Variants in CFAP77 observed in about 807,000 individuals in gnomAD.
The protein encoded by CFAP77 is cilia and flagella associated protein 77.
CFAP77 carries 25 observed loss-of-function variants against 31.1 expected under a neutral mutation model. That is an observed-to-expected ratio of 0.80 (90% CI 0.59 to 1.12). The LOEUF (loss-of-function observed/expected upper bound fraction) is 1.12. Ranked by LOEUF, CFAP77 falls within the 50% of genes most tolerant of loss-of-function variation. CFAP77 has a pLI of 0.00. For missense variants in CFAP77, 377 were observed against 397.3 expected (o/e 0.95, Z 0.44); for synonymous variants, 151 against 159.9 (o/e 0.94, Z 0.42).
At chr9:132,510,584 A>T (rs1852019148) in intron 3 of CFAP77, among the ~76,000 whole-genome samples, 1 of 152,170 alleles carries the variant, frequency 6.6e-6, no homozygotes. Context: ...CCGCAAGCAA[A>T]AGTAGTCACA....
chr9:132,437,160 A>C (rs146400742), intron 1 of CFAP77, among the ~76,000 whole-genome samples: 32 of 152,322 alleles, frequency 2.1e-4, no homozygotes, highest in African/African-American at 7.0e-4. Context: ...TCCTGTCATC[A>C]TGAGGCCTTC....
At chr9:132,547,981 C>G (rs1270767323) in intron 5 of CFAP77, among the ~76,000 whole-genome samples, 1 of 152,172 alleles carries the variant, frequency 6.6e-6, no homozygotes, top group African/African-American at 2.4e-5. Context: ...GACGGTACAT[C>G]CTTCTGCCCA....
At position 132,552,263 on chromosome 9, in the gene CFAP77, C is replaced by T. The variant is rs1336473195; in HGVS notation, c.732+9216C>T. Among the ~76,000 whole-genome samples the T allele has an allele frequency of 9.9e-5, 15 of 152,170 alleles. No individual in the cohort carries two copies. Among genetic ancestry groups the T allele is most frequent in the Admixed American group, 5.9e-4 (9 of 15,290 alleles). ...CAAGTGCAATCATGCGTGTGAAGCG[C>T]GTGGCACAGGCCTGGCTAGGGGACG... On this transcript the variant is annotated intron_variant, in intron 5 of 5. Coordinates refer to ENST00000393216, the MANE Select transcript of CFAP77 (RefSeq NM_001282957.2). The surrounding 1 kb of genome is among the most constrained non-coding windows in gnomAD (Gnocchi z 5.5).
chr9:132,412,771 GTGTTTT>G (rs1850031248), intron 1 of CFAP77, among the ~76,000 whole-genome samples: 1 of 152,068 alleles, frequency 6.6e-6, no homozygotes, highest in Non-Finnish European at 1.5e-5. Context: ...AACAACTTTG[GTGTTTT>G]TGACTAAAGA....
chr9:132,543,298 T>C (rs946336627), intron 5 of CFAP77, among the ~76,000 whole-genome samples: 2 of 152,224 alleles, frequency 1.3e-5, no homozygotes, highest in African/African-American at 4.8e-5. Context: ...ACAGGAAACA[T>C]GGTGGATGCT....
At chr9:132,465,324 T>C (rs1457671378) in intron 1 of CFAP77, among the ~76,000 whole-genome samples, 1 of 152,178 alleles carries the variant, frequency 6.6e-6, no homozygotes, top group African/African-American at 2.4e-5. Flanking sequence ...GAGTGTTTCC[T>C]GAAGTCTTGT....
At chr9:132,447,939 G>A (rs553393089) in intron 1 of CFAP77, among the ~76,000 whole-genome samples, 3 of 152,144 alleles carry the variant, frequency 2.0e-5, no homozygotes, top group Non-Finnish European at 4.4e-5. Flanking sequence ...TACAGCAGCC[G>A]CTGTATTATG....
chr9:132,526,453 C>T lies in CFAP77; in HGVS notation c.525-11148C>T, dbSNP rs192242334. On this transcript the variant is annotated intron_variant, in intron 3 of 5. Coordinates refer to ENST00000393216, the MANE Select transcript of CFAP77 (RefSeq NM_001282957.2). The stretch of plus-strand genomic sequence containing the variant: ...TTCACCGTGTTAGCCAGGATGGTCT[C>T]GATCTCCTGACTTCGTGATCCGTCC... 9.6e-3 allele frequency among the ~76,000 whole-genome samples: 1,459 copies of T among 151,878 alleles called. 30 individuals are homozygous for T. Among genetic ancestry groups the T allele is most frequent in the African/African-American group, 0.034 (1,405 of 41,396 alleles).
At chr9:132,518,864 C>T (rs1317758531) in intron 3 of CFAP77, among the ~76,000 whole-genome samples, 3 of 152,236 alleles carry the variant, frequency 2.0e-5, no homozygotes, top group African/African-American at 7.2e-5. Context: ...TGGCCCTTGG[C>T]ACTGCAGGGC....
chr9:132,470,983 A>T (rs1055341179), intron 1 of CFAP77, among the ~76,000 whole-genome samples: 6 of 152,120 alleles, frequency 3.9e-5, no homozygotes, highest in East Asian at 1.9e-4. Flanking sequence ...GTTTCAAAAA[A>T]TTTTTTTTAA....
At chr9:132,531,514 G>A (rs1852449986) in intron 3 of CFAP77, among the ~76,000 whole-genome samples, 1 of 151,928 alleles carries the variant, frequency 6.6e-6, no homozygotes, top group Non-Finnish European at 1.5e-5. Flanking sequence ...CCAGGGCTTG[G>A]AAGACGAGGT....
intron 3 of CFAP77, among the ~76,000 whole-genome samples, chr9:132,534,887 A>C (rs74983614): frequency 0.018 from 2,800 of 152,280 alleles, 96 homozygotes; most frequent in African/African-American, 0.064. Context: ...TGTCTTTGGC[A>C]AATTTGGGCT....
chr9:132,420,450 C>T lies in CFAP77; in HGVS notation c.195+9984C>T, dbSNP rs534730379. On this transcript the variant is annotated intron_variant, in intron 1 of 5. Transcript: ENST00000393216. ...GGCGGATCACTTGAGGCCAGGAGTTCGAGACCAGCCTGGCCAACATGGTAA... is the reference window on the plus strand; with the variant it reads ...GGCGGATCACTTGAGGCCAGGAGTTTGAGACCAGCCTGGCCAACATGGTAA... Among the ~76,000 whole-genome samples, 110 of 150,764 alleles carry T rather than the reference C, an allele frequency of 7.3e-4. 1 individual carries two copies. Among genetic ancestry groups the T allele is most frequent in the African/African-American group, 2.6e-3 (105 of 40,960 alleles).
intron 5 of CFAP77, among the ~76,000 whole-genome samples, chr9:132,549,871 A>C (rs970806688): frequency 1.3e-5 from 2 of 151,996 alleles, no homozygotes; most frequent in Non-Finnish European, 2.9e-5. Flanking sequence ...GCAGGAGCTT[A>C]ATTGGTTTTA....
At chr9:132,412,188 A>G (rs1850019259) in intron 1 of CFAP77, among the ~76,000 whole-genome samples, 1 of 152,108 alleles carries the variant, frequency 6.6e-6, no homozygotes, top group South Asian at 2.1e-4. Flanking sequence ...CTCACCCACG[A>G]CTGGGGTTCT....
At chr9:132,558,431 G>T (rs886351511) in intron 5 of CFAP77, among the ~76,000 whole-genome samples, 9 of 152,366 alleles carry the variant, frequency 5.9e-5, no homozygotes, top group African/African-American at 1.7e-4. Context: ...AAATCCAGGT[G>T]TGGTGGCTCA....
chr9:132,473,640 C>T (rs376779690), intron 1 of CFAP77, among the ~76,000 whole-genome samples: 2 of 152,148 alleles, frequency 1.3e-5, no homozygotes, highest in East Asian at 3.9e-4. Flanking sequence ...CCAGTGCAGG[C>T]GAAGGGCAGC....
intron 1 of CFAP77, among the ~76,000 whole-genome samples, chr9:132,460,369 C>A (rs1233362053): frequency 6.6e-6 from 1 of 152,116 alleles, no homozygotes; most frequent in South Asian, 2.1e-4. Context: ...GTTTGAACGT[C>A]CATCAGCAGA....
chr9:132,550,040 A>G (rs1164192654), intron 5 of CFAP77, among the ~76,000 whole-genome samples: 1 of 152,196 alleles, frequency 6.6e-6, no homozygotes, highest in East Asian at 1.9e-4. Context: ...TGATGGGGGA[A>G]TAGCGGCCAA....
Sources: allele counts gnomAD v4.1 joint callset (sites outside exome capture counted in the v4.1 genomes callset), GRCh38; gene constraint gnomAD v4.1.1; non-coding constraint Gnocchi (gnomAD v3.1); transcripts MANE v1.5; gene names NCBI Gene and HGNC (gene_info 2026-07-23, HGNC 2026-07-21).